The following SDK1 variants were observed in gnomAD, a reference collection of about 807,000 sequenced individuals.
SDK1 encodes sidekick cell adhesion molecule 1.
In SDK1, 157 loss-of-function variants were observed where a neutral mutation model predicts 245.5. The observed-to-expected ratio is 0.64, with a 90% CI of 0.56 to 0.73. The LOEUF (loss-of-function observed/expected upper bound fraction) is 0.73, where lower values mean the gene tolerates loss of function less well. Ranked by LOEUF, SDK1 falls within the 30% of genes least tolerant of loss-of-function variation. The pLI is 0.00. For missense variants in SDK1, 3,583 were observed against 3,002.3 expected (o/e 1.19, Z -4.52); for synonymous variants, 1,647 against 1,278.5 (o/e 1.29, Z -6.15).
chr7:3,634,570 T>A (rs572136591), intron 2 of SDK1, among the ~76,000 whole-genome samples: 2 of 152,202 alleles, frequency 1.3e-5, no homozygotes, highest in African/African-American at 4.8e-5. Context: ...TTCTATACTT[T>A]AGTGGCATAT....
chr7:3,892,935 G>A (rs1285831090), intron 5 of SDK1, among the ~76,000 whole-genome samples: 1 of 152,122 alleles, frequency 6.6e-6, no homozygotes, highest in Admixed American at 6.5e-5. Flanking sequence ...TCTGATCTCT[G>A]CCAGCGCACT....
At chr7:3,624,288 C>T (rs1300237321) in intron 2 of SDK1, among the ~76,000 whole-genome samples, 1 of 152,176 alleles carries the variant, frequency 6.6e-6, no homozygotes, top group Non-Finnish European at 1.5e-5. Context: ...CAGATTCAGC[C>T]TCCTGGGCTC....
intron 1 of SDK1, among the ~76,000 whole-genome samples, chr7:3,546,239 T>C (rs1234927419): frequency 6.6e-6 from 1 of 152,052 alleles, no homozygotes; most frequent in Non-Finnish European, 1.5e-5. Flanking sequence ...AACCACACTG[T>C]AACGAACAAT....
At chr7:3,984,487 G>T (rs1344507993) in intron 13 of SDK1, among the ~76,000 whole-genome samples, 1 of 152,176 alleles carries the variant, frequency 6.6e-6, no homozygotes, top group Admixed American at 6.5e-5. Flanking sequence ...ACCCCCTTGA[G>T]GTCATCAGAG....
At chr7:3,869,195 GC>G (rs1398117399) in intron 5 of SDK1, among the ~76,000 whole-genome samples, 2 of 134,766 alleles carry the variant, frequency 1.5e-5, no homozygotes, top group Non-Finnish European at 3.0e-5. Context: ...TCACTCTGTC[GC>G]CCAGGCTGGA....
At chr7:4,023,610 G>A (rs978063923) in intron 17 of SDK1, among the ~76,000 whole-genome samples, 5 of 152,216 alleles carry the variant, frequency 3.3e-5, no homozygotes, top group Admixed American at 2.0e-4. Flanking sequence ...CGGAGTGTAA[G>A]TTGTGTATAA....
Position 4,114,136 on chromosome 7 carries a change from G to A in SDK1, c.3685G>A (p.Val1229Ile), listed in dbSNP as rs146383881. The change falls in exon 25 of 45, where the codon GTC (valine) becomes ATC (isoleucine). Residue 1229 changes from valine to isoleucine, a missense_variant. Physicochemically the swap from Val to Ile is conservative, Grantham distance 29. Transcript: ENST00000404826. ...CCAGTCCTCAGCAGTGGCCCAAGTCGTCAGTGACCGGCTGGAGAGAGAATT... is the reference window on the plus strand; with the variant it reads ...CCAGTCCTCAGCAGTGGCCCAAGTCATCAGTGACCGGCTGGAGAGAGAATT... ...DLQSSAVAQVVSDRLEREFTI... is the reference protein window; with the variant it reads ...DLQSSAVAQVISDRLEREFTI... The A allele has an allele frequency of 1.4e-4, 222 of 1,614,242 alleles. No homozygotes were observed. Among genetic ancestry groups the A allele is most frequent in the Middle Eastern group, 5.0e-4 (3 of 6,054 alleles).
chr7:3,821,760 A>C (rs905608179), intron 5 of SDK1, among the ~76,000 whole-genome samples, 177 bp downstream of exon 5: 3 of 152,186 alleles, frequency 2.0e-5, no homozygotes, highest in Non-Finnish European at 4.4e-5. Context: ...GCTTTCTTCA[A>C]AATGATATGC....
At chr7:3,740,620 C>T (rs1258340121) in intron 4 of SDK1, among the ~76,000 whole-genome samples, 1 of 152,170 alleles carries the variant, frequency 6.6e-6, no homozygotes, top group Non-Finnish European at 1.5e-5. Context: ...TTGTTTTTCA[C>T]AGCTCCTGTA....
At chr7:3,939,720 G>A (rs1410659997) in intron 5 of SDK1, among the ~76,000 whole-genome samples, 1 of 152,122 alleles carries the variant, frequency 6.6e-6, no homozygotes, top group Admixed American at 6.5e-5. Flanking sequence ...TAGGTATCCC[G>A]GGAGCAGAGC....
intron 4 of SDK1, among the ~76,000 whole-genome samples, chr7:3,775,917 A>T (rs796911091): frequency 1.6e-4 from 24 of 152,270 alleles, no homozygotes; most frequent in African/African-American, 5.5e-4. Context: ...TAAAGTCTTG[A>T]CTGTCTTTCC....
At chr7:4,021,802 T>C (rs566886063) in intron 17 of SDK1, among the ~76,000 whole-genome samples, 1 of 152,328 alleles carries the variant, frequency 6.6e-6, no homozygotes, top group East Asian at 1.9e-4. Flanking sequence ...TGGGCACATA[T>C]CTGTCCCTTG....
In SDK1 at chr7:3,609,402, T is replaced by C. The variant is rs1046079056; in HGVS notation, c.299-9678T>C. Among the ~76,000 whole-genome samples the C allele has an allele frequency of 7.9e-5, 12 of 152,076 alleles. No homozygotes were observed. In the East Asian group the frequency reaches 2.3e-3, roughly 30 times the overall value. Reference sequence around the variant, plus strand: ...TCAGGGGAGAGCTGGGATTTTTCTTTTTCTTTTTCTTTTTTTGAGACAGAG... The same window carrying C: ...TCAGGGGAGAGCTGGGATTTTTCTTCTTCTTTTTCTTTTTTTGAGACAGAG... On this transcript the variant is annotated intron_variant, in intron 1 of 44. Transcript: ENST00000404826.
chr7:3,740,829 A>C (rs893279859), intron 4 of SDK1, among the ~76,000 whole-genome samples: 1 of 152,298 alleles, frequency 6.6e-6, no homozygotes, highest in East Asian at 1.9e-4. Flanking sequence ...ATTTTTGTCC[A>C]TGTTCTCATT....
chr7:3,905,506 A>G (rs918351112), intron 5 of SDK1, among the ~76,000 whole-genome samples: 3 of 151,858 alleles, frequency 2.0e-5, no homozygotes, highest in East Asian at 1.9e-4. Context: ...ATCTTTCCCT[A>G]TGGTTTTTAG....
chr7:3,501,408 A>G (rs369670515), intron 1 of SDK1, among the ~76,000 whole-genome samples: 25 of 151,938 alleles, frequency 1.6e-4, no homozygotes, highest in African/African-American at 5.8e-4. Context: ...GACAGTTTCA[A>G]AGTAGAACAG....
chr7:3,391,756 C>A (rs1481494714), intron 1 of SDK1, among the ~76,000 whole-genome samples: 1 of 150,858 alleles, frequency 6.6e-6, no homozygotes, highest in East Asian at 2.0e-4. Context: ...CCTGTCTCAG[C>A]CTCCCGAGTA....
At chr7:3,860,602 C>G (rs1583486127) in intron 5 of SDK1, among the ~76,000 whole-genome samples, 1 of 152,218 alleles carries the variant, frequency 6.6e-6, no homozygotes, top group South Asian at 2.1e-4. Context: ...TTGGTGATAT[C>G]TATTGAGAAA....
intron 26 of SDK1, among the ~76,000 whole-genome samples, chr7:4,128,888 G>C (rs1176764509): frequency 9.9e-5 from 13 of 130,744 alleles, no homozygotes; most frequent in African/African-American, 2.1e-4. Context: ...CCCTGGAGGA[G>C]AGCAGCTTGG....
Sources: gnomAD v4.1 joint callset for allele counts (sites outside exome capture counted in the v4.1 genomes callset) on GRCh38, gnomAD v4.1.1 for gene constraint, MANE v1.5 for transcripts, NCBI Gene and HGNC (gene_info 2026-07-23, HGNC 2026-07-21) for gene names.